The following TMEFF2 variants were observed in gnomAD, a reference collection of about 807,000 sequenced individuals.
The protein encoded by TMEFF2 is tomoregulin-2.
TMEFF2 carries 28 observed loss-of-function variants against 53.8 expected under a neutral mutation model. The ratio of observed to expected loss-of-function variants is 0.52; its 90% confidence interval spans 0.39 to 0.71. The LOEUF is 0.71. Among genes scored for constraint, TMEFF2 ranks in the 30% least tolerant of loss-of-function variants. The probability of loss-of-function intolerance (pLI) is 0.00; values close to 1 mark genes in which losing one functional copy is unlikely to be tolerated. For synonymous variants in TMEFF2, 162 were observed against 166.3 expected, an observed-to-expected ratio of 0.97 and a Z score of 0.20; for missense variants, 353 against 455.2, an observed-to-expected ratio of 0.78 and a Z score of 2.04.
intron 5 of TMEFF2, chr2:192,036,464 A>T (rs1687295421): frequency 6.6e-6 from 1 of 152,246 alleles, no homozygotes; most frequent in Non-Finnish European, 1.5e-5. Context: ...GAAGGGGATG[A>T]TGATGATATT....
In TMEFF2 at chr2:192,170,269, A is replaced by G. The variant is rs1298767288; in HGVS notation, c.439+9399T>C. 4.6e-5 allele frequency among the ~76,000 whole-genome samples: 7 copies of G among 152,070 alleles called. No homozygotes were observed. The East Asian group carries it at 1.4e-3, about 29-fold the overall frequency. The stretch of plus-strand genomic sequence containing the variant: ...CTACCACTTAAATCAGTGTGTCAGA[A>G]ATTCTACTTGCCAAAGGTCATATTT... On this transcript the variant is annotated intron_variant, in intron 4 of 9. Coordinates refer to ENST00000272771, the MANE Select transcript of TMEFF2 (RefSeq NM_016192.4).
intron 5 of TMEFF2, among the ~76,000 whole-genome samples, chr2:192,056,375 GAGA>G (rs964206872): frequency 6.6e-5 from 10 of 151,948 alleles, no homozygotes; most frequent in African/African-American, 1.4e-4. Flanking sequence ...GGAGGAGGAG[GAGA>G]AGAAGAGGAA....
At chr2:192,161,250 C>T (rs774586664) in intron 4 of TMEFF2, among the ~76,000 whole-genome samples, 25 of 152,076 alleles carry the variant, frequency 1.6e-4, no homozygotes, top group Non-Finnish European at 2.8e-4. Context: ...CTCAGTGCAA[C>T]CTCCGCCTTC....
chr2:192,162,582 T>C (rs1424343903), intron 4 of TMEFF2, among the ~76,000 whole-genome samples: 1 of 152,150 alleles, frequency 6.6e-6, no homozygotes, highest in Non-Finnish European at 1.5e-5. Flanking sequence ...AAATTTACTT[T>C]TCGCCAACCC....
At position 192,037,338 on chromosome 2, in the gene TMEFF2, A is replaced by AAAG. The variant is rs1559096595; in HGVS notation, c.536+20340_536+20341insCTT. On this transcript the variant is annotated intron_variant, in intron 5 of 9. Coordinates refer to ENST00000272771, the MANE Select transcript of TMEFF2 (RefSeq NM_016192.4). ...GAAAGAAAGAAAGAAAGAAAGAAAAACAGAAAACAGAAAAAAAAACCTCTC... is the reference window on the plus strand; with the variant it reads ...GAAAGAAAGAAAGAAAGAAAGAAAAAAAGCAGAAAACAGAAAAAAAAACCTCTC... Among the ~76,000 whole-genome samples the AAAG allele has an allele frequency of 3.8e-4, 56 of 147,712 alleles. 1 individual carries two copies. Among genetic ancestry groups the AAAG allele is most frequent in the Non-Finnish European group, 4.9e-4 (33 of 66,908 alleles).
chr2:192,191,690 G>A (rs1009632670), intron 2 of TMEFF2, among the ~76,000 whole-genome samples, 190 bp downstream of exon 2: 1 of 152,062 alleles, frequency 6.6e-6, no homozygotes, highest in African/African-American at 2.4e-5. Context: ...TATAACTTTG[G>A]CATATACATT....
chr2:192,034,224 C>T (rs1173058588), intron 5 of TMEFF2, among the ~76,000 whole-genome samples: 3 of 147,796 alleles, frequency 2.0e-5, no homozygotes, highest in Non-Finnish European at 4.5e-5. Flanking sequence ...TTTTGAGTAT[C>T]AAGAAAAAAT....
intron 5 of TMEFF2, among the ~76,000 whole-genome samples, chr2:192,009,789 T>A (rs909361336): frequency 2.6e-5 from 4 of 152,168 alleles, no homozygotes; most frequent in Admixed American, 6.5e-5. Context: ...TTATGGTTCT[T>A]AAGATCAAAA....
Position 191,949,578 on chromosome 2 carries a change from C to A in TMEFF2, c.*733G>T, listed in dbSNP as rs1262250589. 2 of 985,228 alleles carry A rather than the reference C, an allele frequency of 2.0e-6. No individual in the cohort carries two copies. The highest frequency in any genetic ancestry group is 1.1e-4 in the East Asian group (1 of 8,830). 61.0% of individuals were successfully genotyped at this position (985,228 alleles called of 1,614,324 possible). On this transcript the variant is annotated 3_prime_UTR_variant, in exon 10 of 10. Coordinates refer to ENST00000272771, the MANE Select transcript of TMEFF2 (RefSeq NM_016192.4). ...GTGTATACCTAGTATGTAACTTGTT[C>A]AGTAAGTTCAGATATATGCACTTAA... is the stretch of plus-strand genomic sequence containing the variant.
intron 9 of TMEFF2, among the ~76,000 whole-genome samples, chr2:191,950,993 G>A (rs183110519): frequency 6.6e-6 from 1 of 152,260 alleles, no homozygotes; most frequent in East Asian, 1.9e-4. Flanking sequence ...ATCTGAAAAT[G>A]TCTGACTTTT....
At chr2:192,106,519 C>T (rs1689153089) in intron 4 of TMEFF2, among the ~76,000 whole-genome samples, 1 of 151,700 alleles carries the variant, frequency 6.6e-6, no homozygotes, top group African/African-American at 2.4e-5. Flanking sequence ...TTAGCCTACA[C>T]TGTTTTCAAA....
At chr2:191,994,639 G>A (rs1290387822) in intron 7 of TMEFF2, among the ~76,000 whole-genome samples, 1 of 151,788 alleles carries the variant, frequency 6.6e-6, no homozygotes, top group Non-Finnish European at 1.5e-5. Context: ...TAAAACATTT[G>A]CTATTTAAAA....
intron 4 of TMEFF2, among the ~76,000 whole-genome samples, chr2:192,149,352 C>T (rs1050351978): frequency 1.3e-5 from 2 of 151,778 alleles, no homozygotes; most frequent in South Asian, 4.1e-4. Flanking sequence ...AAAATATGTA[C>T]GAGTGGGTGT....
chr2:192,023,882 A>T (rs1343840000), intron 5 of TMEFF2, among the ~76,000 whole-genome samples: 1 of 152,162 alleles, frequency 6.6e-6, no homozygotes, highest in African/African-American at 2.4e-5. Flanking sequence ...AGCAACTTTC[A>T]TTGAGTAAAG....
intron 3 of TMEFF2, 95 bp downstream of exon 3, chr2:192,184,259 T>C (rs1691257179): frequency 1.4e-6 from 2 of 1,458,520 alleles, no homozygotes; most frequent in South Asian, 1.3e-5. Context: ...CAACATATAA[T>C]CTGAATTATT....
Position 191,964,360 on chromosome 2 carries a change from CTTTCTTTCTTTCTCTTTCTT to C in TMEFF2, c.746-8002_746-7983del, listed in dbSNP as rs1361653155. 6.8e-5 allele frequency among the ~76,000 whole-genome samples: 7 copies of C among 102,906 alleles called. No homozygotes were observed. The East Asian group carries it at 7.4e-4, about 11-fold the overall frequency. 67.5% of individuals were successfully genotyped at this position (102,906 alleles called of 152,430 possible). ...TCTTTCTTTCTTTCTTTCTTTCTTT[CTTTCTTTCTTTCTCTTTCTT>C]TCTTTCTTTCTTTCTTTCTCTTTCT... On this transcript the variant is annotated intron_variant, in intron 7 of 9. Coordinates refer to ENST00000272771, the MANE Select transcript of TMEFF2 (RefSeq NM_016192.4).
chr2:192,030,094 A>G (rs1430261821), intron 5 of TMEFF2, among the ~76,000 whole-genome samples: 1 of 152,226 alleles, frequency 6.6e-6, no homozygotes, highest in Non-Finnish European at 1.5e-5. Flanking sequence ...CAGAGCACAT[A>G]CTGACTAAAC....
chr2:192,013,673 C>T (rs1686682554), intron 5 of TMEFF2, among the ~76,000 whole-genome samples: 1 of 152,176 alleles, frequency 6.6e-6, no homozygotes, highest in South Asian at 2.1e-4. Flanking sequence ...TAGTCTCAAA[C>T]TCCTGACCTC....
chr2:191,992,949 C>G (rs980858328), intron 7 of TMEFF2, among the ~76,000 whole-genome samples: 11 of 152,060 alleles, frequency 7.2e-5, no homozygotes, highest in African/African-American at 2.7e-4. Flanking sequence ...TAGATAGTGA[C>G]ACTTCTTCCC....
Sources: allele counts gnomAD v4.1 joint callset (sites outside exome capture counted in the v4.1 genomes callset), GRCh38; gene constraint gnomAD v4.1.1; transcripts MANE v1.5; gene names NCBI Gene and HGNC (gene_info 2026-07-23, HGNC 2026-07-21).